The following SPATA17 variants were observed in gnomAD, a reference collection of about 807,000 sequenced individuals.
SPATA17 encodes the protein spermatogenesis-associated protein 17.
A neutral mutation model predicts 62.2 loss-of-function variants in SPATA17; 53 were observed. That is an observed-to-expected ratio of 0.85 (90% CI 0.68 to 1.07). The LOEUF (loss-of-function observed/expected upper bound fraction) is 1.07. Ranked by LOEUF, SPATA17 falls within the 50% of genes least tolerant of loss-of-function variation. The pLI, the probability that SPATA17 is intolerant of heterozygous loss-of-function variation, is 0.00. For synonymous variants in SPATA17, 146 were observed against 146.8 expected (o/e 0.99, Z 0.04); for missense variants, 466 against 425.5 (o/e 1.10, Z -0.84).
rs190015829 is a variant in SPATA17, at chr1:217,846,393, A to G, written c.1006-16381A>G. Among the ~76,000 whole-genome samples, 36 of 152,230 alleles carry G rather than the reference A, an allele frequency of 2.4e-4. No individual in the cohort carries two copies. The Middle Eastern group carries it at 0.01, about 43-fold the overall frequency. On this transcript the variant is annotated intron_variant, in intron 9 of 10. Transcript: ENST00000366933. ...AGAGTTTCAATGTGATTTCAATATGAAACAATTCTTACATGTCTTTTCCTG... is the reference window on the plus strand; with the variant it reads ...AGAGTTTCAATGTGATTTCAATATGGAACAATTCTTACATGTCTTTTCCTG...
intron 9 of SPATA17, among the ~76,000 whole-genome samples, chr1:217,814,605 TG>T: frequency 1.3e-5 from 2 of 152,236 alleles, no homozygotes; most frequent in East Asian, 3.9e-4. Flanking sequence ...CCCAGCACTT[TG>T]GGAGGCTGAG....
chr1:217,858,537 T>C (rs1410163217), intron 9 of SPATA17, among the ~76,000 whole-genome samples: 3 of 152,174 alleles, frequency 2.0e-5, no homozygotes, highest in Non-Finnish European at 4.4e-5. Flanking sequence ...TCTTCCTTAT[T>C]GGGTAGAATT....
At chr1:217,845,839 G>A (rs894592020) in intron 9 of SPATA17, among the ~76,000 whole-genome samples, 10 of 151,888 alleles carry the variant, frequency 6.6e-5, no homozygotes, top group Non-Finnish European at 1.5e-4. Flanking sequence ...CACTTTTTCA[G>A]TTCTACCCAT....
rs1303488259 is a variant in SPATA17 at position 217,720,744 on chromosome 1, A to G, written c.396-21231A>G. On this transcript the variant is annotated intron_variant, in intron 5 of 10. Transcript: ENST00000366933. ...ATTATAAGAGAGAAATCTAGAGAAT[A>G]CAGAAATAGTAAATACTGGGAGAAG... 2.0e-5 allele frequency among the ~76,000 whole-genome samples: 3 copies of G among 152,248 alleles called. 1 individual carries two copies.
intron 10 of SPATA17, among the ~76,000 whole-genome samples, chr1:217,863,645 T>C (rs1204761982): frequency 1.3e-5 from 2 of 152,088 alleles, no homozygotes; most frequent in Non-Finnish European, 2.9e-5. Context: ...TTAGAAGATA[T>C]ATAAGAATAA....
rs1469968228 is a variant in SPATA17, at chr1:217,862,939, G to A, written c.*2+83G>A. ...CAAATGGGGTTGACTTAACTATCAA[G>A]CATTTTAAAAACCATGCTATAATAA... On this transcript the variant is annotated intron_variant, in intron 10 of 10. Coordinates refer to ENST00000366933, the MANE Select transcript of SPATA17 (RefSeq NM_138796.4). The A allele has an allele frequency of 6.0e-6, 5 of 827,530 alleles. No homozygotes were observed. The African/African-American group carries it at 8.5e-5, about 14-fold the overall frequency. 51.3% of individuals were successfully genotyped at this position (827,530 alleles called of 1,614,324 possible).
intron 5 of SPATA17, among the ~76,000 whole-genome samples, chr1:217,733,911 A>G (rs942716017): frequency 3.9e-5 from 6 of 152,208 alleles, no homozygotes; most frequent in Non-Finnish European, 7.3e-5. Flanking sequence ...ATTTCATTTT[A>G]AACGTATTTT....
intron 5 of SPATA17, 111 bp downstream of exon 5, chr1:217,683,472 T>A: frequency 1.4e-6 from 1 of 722,298 alleles, no homozygotes. Flanking sequence ...GGAGTCTTGC[T>A]CTGTTGCCCA....
intron 8 of SPATA17, among the ~76,000 whole-genome samples, chr1:217,785,846 A>G (rs976444195): frequency 6.6e-6 from 1 of 152,140 alleles, no homozygotes; most frequent in Non-Finnish European, 1.5e-5. Context: ...GACAATAATA[A>G]TAAAGACATG....
chr1:217,698,210 G>C (rs551052136), intron 5 of SPATA17, among the ~76,000 whole-genome samples: 2 of 151,996 alleles, frequency 1.3e-5, no homozygotes, highest in Non-Finnish European at 2.9e-5. Flanking sequence ...AGGCTGAGGC[G>C]GGCAGATCAC....
chr1:217,643,284 T>C (rs1175896778), intron 1 of SPATA17, among the ~76,000 whole-genome samples: 1 of 152,186 alleles, frequency 6.6e-6, no homozygotes, highest in Non-Finnish European at 1.5e-5. Context: ...TCACCACAAC[T>C]GCCTCTTCTC....
chr1:217,689,174 G>A (rs373380054), intron 5 of SPATA17, among the ~76,000 whole-genome samples: 6 of 148,896 alleles, frequency 4.0e-5, no homozygotes, highest in African/African-American at 1.5e-4. Flanking sequence ...GCTTAGTAGA[G>A]CAAAAGTACA....
chr1:217,864,588 G>A (rs1164515177), intron 10 of SPATA17, among the ~76,000 whole-genome samples: 1 of 151,906 alleles, frequency 6.6e-6, no homozygotes, highest in African/African-American at 2.4e-5. Context: ...ATATGTATAT[G>A]TATACATTTG....
At chr1:217,761,826 G>C (rs1431243462) in intron 6 of SPATA17, among the ~76,000 whole-genome samples, 2 of 152,156 alleles carry the variant, frequency 1.3e-5, no homozygotes, top group African/African-American at 4.8e-5. Flanking sequence ...AATCTTTCTT[G>C]CAAAGTCTTT....
At chr1:217,703,007 G>A (rs1326305707) in intron 5 of SPATA17, among the ~76,000 whole-genome samples, 1 of 151,208 alleles carries the variant, frequency 6.6e-6, no homozygotes, top group East Asian at 1.9e-4. Flanking sequence ...CTCCTGAGTA[G>A]CTAGTATTAC....
intron 9 of SPATA17, among the ~76,000 whole-genome samples, chr1:217,810,791 G>A (rs1674566353): frequency 6.6e-6 from 1 of 152,070 alleles, no homozygotes; most frequent in Non-Finnish European, 1.5e-5. Context: ...GGCAGCAGGT[G>A]AGAGAGAAGA....
chr1:217,843,111 G>A (rs1000909296), intron 9 of SPATA17, among the ~76,000 whole-genome samples: 1 of 152,062 alleles, frequency 6.6e-6, no homozygotes, highest in African/African-American at 2.4e-5. Flanking sequence ...GAAATGTGTT[G>A]AGAAATGCTT....
chr1:217,742,135 CTTGGGCCCCT>C, intron 6 of SPATA17, 37 bp downstream of exon 6: 1 of 1,611,068 alleles, frequency 6.2e-7, no homozygotes, highest in Non-Finnish European at 8.5e-7. Context: ...CTGTAAGCCA[CTTGGGCCCCT>C]AGCCTGACAA....
At chr1:217,773,796 T>G (rs568935308) in intron 6 of SPATA17, among the ~76,000 whole-genome samples, 2 of 152,160 alleles carry the variant, frequency 1.3e-5, no homozygotes, top group East Asian at 3.9e-4. Flanking sequence ...TGTAGCATTA[T>G]AGGTGATACC....
Sources: allele counts gnomAD v4.1 joint callset (sites outside exome capture counted in the v4.1 genomes callset), GRCh38; gene constraint gnomAD v4.1.1; transcripts MANE v1.5; gene names NCBI Gene and HGNC (gene_info 2026-07-23, HGNC 2026-07-21).